Variants in CCDC60 observed in about 807,000 individuals in gnomAD.
CCDC60 encodes the protein coiled-coil domain-containing protein 60.
Under a neutral mutation model 63.5 loss-of-function variants are expected in CCDC60, and 54 were observed. That is an observed-to-expected ratio of 0.85 (90% CI 0.68 to 1.07). CCDC60 has a LOEUF of 1.07. CCDC60 is among the 50% of genes least tolerant of loss of function. The pLI, the probability that CCDC60 is intolerant of heterozygous loss-of-function variation, is 0.00. For missense variants in CCDC60, 651 were observed against 684.3 expected, an observed-to-expected ratio of 0.95 and a Z score of 0.54; for synonymous variants, 206 against 238.8, an observed-to-expected ratio of 0.86 and a Z score of 1.27.
At chr12:119,350,804 A>G (rs1427056683) in intron 1 of CCDC60, among the ~76,000 whole-genome samples, 1 of 152,122 alleles carries the variant, frequency 6.6e-6, no homozygotes, top group Non-Finnish European at 1.5e-5. Context: ...CAGACTCATG[A>G]TATTGGGGTG....
chr12:119,366,806 A>C (rs1156266877), intron 1 of CCDC60, among the ~76,000 whole-genome samples: 1 of 152,130 alleles, frequency 6.6e-6, no homozygotes, highest in African/African-American at 2.4e-5. Context: ...CCTCCTAAGT[A>C]AGAACAGAAG....
chr12:119,515,838 T>G (rs1436278967), intron 7 of CCDC60, among the ~76,000 whole-genome samples: 1 of 152,192 alleles, frequency 6.6e-6, no homozygotes, highest in Non-Finnish European at 1.5e-5. Flanking sequence ...AAGATTGGCA[T>G]CCACATGGAA....
intron 1 of CCDC60, among the ~76,000 whole-genome samples, chr12:119,378,572 G>A (rs1955977795): frequency 6.6e-6 from 1 of 152,114 alleles, no homozygotes; most frequent in Non-Finnish European, 1.5e-5. Context: ...CACAGACTGA[G>A]GCTCAAGAAA....
chr12:119,452,550 A>C (rs761462827), intron 2 of CCDC60, among the ~76,000 whole-genome samples: 2 of 152,220 alleles, frequency 1.3e-5, no homozygotes, highest in Non-Finnish European at 2.9e-5. Context: ...TGAGGCTAGC[A>C]ACACTACTGA....
chr12:119,470,817 T>C (rs1230344332), intron 2 of CCDC60, among the ~76,000 whole-genome samples: 2 of 152,120 alleles, frequency 1.3e-5, no homozygotes, highest in African/African-American at 4.8e-5. Context: ...CCTGTGCTAT[T>C]ATTGACATCA....
At chr12:119,468,134 A>G (rs1207678825) in intron 2 of CCDC60, among the ~76,000 whole-genome samples, 1 of 151,968 alleles carries the variant, frequency 6.6e-6, no homozygotes, top group Non-Finnish European at 1.5e-5. Context: ...AAATAAATAA[A>G]TAAATAAATT....
intron 10 of CCDC60, 113 bp downstream of exon 10, chr12:119,523,114 G>C: frequency 1.0e-6 from 1 of 961,154 alleles, no homozygotes. Flanking sequence ...CCCTAAAGCC[G>C]TAGATGATGC....
intron 7 of CCDC60, among the ~76,000 whole-genome samples, chr12:119,514,475 C>T (rs1316438061): frequency 1.3e-5 from 2 of 151,914 alleles, no homozygotes; most frequent in African/African-American, 4.8e-5. Context: ...AGGCATGAGC[C>T]ACCGCATCTG....
intron 9 of CCDC60, 110 bp downstream of exon 9, chr12:119,520,302 G>A (rs1952489335): frequency 5.4e-6 from 5 of 928,782 alleles, no homozygotes; most frequent in Non-Finnish European, 8.2e-6. Flanking sequence ...CAGGAAAGAG[G>A]GAACTTTTTC....
chr12:119,386,867 T>C lies in CCDC60; in HGVS notation c.91-41816T>C, dbSNP rs184071064. Among the ~76,000 whole-genome samples, 17 of 152,264 alleles carry C rather than the reference T, an allele frequency of 1.1e-4. No homozygotes were observed. In the East Asian group the frequency reaches 3.1e-3, roughly 28 times the overall value. ...CTCTCTCCTTTGGAAGGTCAAATTC[T>C]TATGGTTCCAAGTGATTAGGAGCAG... is the stretch of plus-strand genomic sequence containing the variant. On this transcript the variant is annotated intron_variant, in intron 1 of 13. Coordinates refer to ENST00000327554, the MANE Select transcript of CCDC60 (RefSeq NM_178499.5).
At chr12:119,405,691 C>T (rs558629473) in intron 1 of CCDC60, among the ~76,000 whole-genome samples, 1 of 152,290 alleles carries the variant, frequency 6.6e-6, no homozygotes, top group African/African-American at 2.4e-5. Flanking sequence ...CTCCAATGAC[C>T]CGTGCCTCTA....
chr12:119,496,062 G>C (rs1951708734), intron 5 of CCDC60, among the ~76,000 whole-genome samples: 1 of 152,122 alleles, frequency 6.6e-6, no homozygotes, highest in African/African-American at 2.4e-5. Flanking sequence ...TCTGTGGAGT[G>C]GGAGAATGTG....
chr12:119,503,185 A>G (rs1293635812), intron 6 of CCDC60, among the ~76,000 whole-genome samples: 1 of 152,232 alleles, frequency 6.6e-6, no homozygotes, highest in Non-Finnish European at 1.5e-5. Flanking sequence ...AAATAAAAAT[A>G]AAAATAAAAA....
intron 13 of CCDC60, among the ~76,000 whole-genome samples, chr12:119,538,485 CT>C (rs1456059566): frequency 6.6e-6 from 1 of 152,214 alleles, no homozygotes; most frequent in Non-Finnish European, 1.5e-5. Flanking sequence ...CAGAAATCAC[CT>C]GTCTTCTGCA....
intron 2 of CCDC60, among the ~76,000 whole-genome samples, chr12:119,444,411 A>G (rs919600568): frequency 4.6e-5 from 7 of 152,224 alleles, no homozygotes; most frequent in African/African-American, 7.2e-5. Context: ...AGAAAAGTGA[A>G]TAAGAACATC....
chr12:119,465,554 T>A (rs1950937757), intron 2 of CCDC60, among the ~76,000 whole-genome samples: 1 of 151,970 alleles, frequency 6.6e-6, no homozygotes, highest in African/African-American at 2.4e-5. Flanking sequence ...GGTCAGAAGT[T>A]CAAGACCAGC....
intron 1 of CCDC60, among the ~76,000 whole-genome samples, chr12:119,346,596 A>G (rs1955595166): frequency 6.6e-6 from 1 of 152,206 alleles, no homozygotes; most frequent in Admixed American, 6.5e-5. Flanking sequence ...GAAAGTGCCA[A>G]TTTTAGCTGT....
intron 13 of CCDC60, among the ~76,000 whole-genome samples, chr12:119,536,931 G>A (rs1953021457): frequency 6.6e-6 from 1 of 152,124 alleles, no homozygotes; most frequent in Non-Finnish European, 1.5e-5. Context: ...GGTGTTCTCT[G>A]TATTTTGTGA....
chr12:119,473,526 G>A (rs1358389473), intron 3 of CCDC60, among the ~76,000 whole-genome samples: 1 of 152,120 alleles, frequency 6.6e-6, no homozygotes, highest in Non-Finnish European at 1.5e-5. Flanking sequence ...CTCCAGTGGT[G>A]ATTTCTGAGA....
Sources: gnomAD v4.1 joint callset for allele counts (sites outside exome capture counted in the v4.1 genomes callset) on GRCh38, gnomAD v4.1.1 for gene constraint, MANE v1.5 for transcripts, NCBI Gene and HGNC (gene_info 2026-07-23, HGNC 2026-07-21) for gene names.